The following RYR3 variants were observed in gnomAD, a reference collection of about 807,000 sequenced individuals.
The protein encoded by RYR3 is ryanodine receptor 3.
A neutral mutation model predicts 584.3 loss-of-function variants in RYR3; 207 were observed. The observed-to-expected ratio is 0.35, with a 90% CI of 0.32 to 0.40. The LOEUF (loss-of-function observed/expected upper bound fraction) is 0.40. Among genes scored for constraint, RYR3 ranks in the 10% least tolerant of loss-of-function variants. The probability of loss-of-function intolerance (pLI) is 1.00; values close to 1 mark genes in which losing one functional copy is unlikely to be tolerated. For missense variants in RYR3, 5,616 were observed against 6,089.2 expected, an observed-to-expected ratio of 0.92 and a Z score of 2.59; for synonymous variants, 2,416 against 2,248.5, an observed-to-expected ratio of 1.07 and a Z score of -2.11.
Position 33,390,690 on chromosome 15 carries a change from G to A in RYR3, c.51+79594G>A, listed in dbSNP as rs768137096. On this transcript the variant is annotated intron_variant, in intron 1 of 103. Coordinates refer to ENST00000634891, the MANE Select transcript of RYR3 (RefSeq NM_001036.6). This position sits in a 1 kb window ranked among gnomAD's most constrained non-coding sequence, Gnocchi z 4.2. ...AAGAAATCAGAGTGGTTCACTCTGC[G>A]TAGATTGTTTGCACAAACAATGTGA... Among the ~76,000 whole-genome samples, 35 of 152,132 alleles carry A rather than the reference G, an allele frequency of 2.3e-4. No homozygotes were observed. Among genetic ancestry groups the A allele is most frequent in the African/African-American group, 7.2e-4 (30 of 41,418 alleles).
At chr15:33,536,933 C>T (rs1027880141) in intron 5 of RYR3, among the ~76,000 whole-genome samples, 2 of 152,074 alleles carry the variant, frequency 1.3e-5, no homozygotes, top group Admixed American at 1.3e-4. Flanking sequence ...CTGTGGATGT[C>T]CTGATAAAAA....
At chr15:33,818,853 G>A (rs906960119) in intron 76 of RYR3, among the ~76,000 whole-genome samples, 169 bp downstream of exon 76, 11 of 152,342 alleles carry the variant, frequency 7.2e-5, no homozygotes, top group African/African-American at 2.4e-4. Context: ...GCCAGGCGTG[G>A]TGGCTCACGC....
intron 10 of RYR3, among the ~76,000 whole-genome samples, chr15:33,559,773 CCA>C (rs2057303594): frequency 6.6e-6 from 1 of 152,124 alleles, no homozygotes; most frequent in Admixed American, 6.5e-5. Flanking sequence ...CAGTCTCTCT[CCA>C]GCCAGAAAGG....
intron 1 of RYR3, among the ~76,000 whole-genome samples, chr15:33,371,338 G>T (rs182072242): frequency 1.3e-5 from 2 of 152,132 alleles, no homozygotes; most frequent in Non-Finnish European, 1.5e-5. Flanking sequence ...AAACCAATGC[G>T]GTTGCCATGG....
At chr15:33,737,186 C>G (rs1297964921) in intron 49 of RYR3, among the ~76,000 whole-genome samples, 1 of 152,074 alleles carries the variant, frequency 6.6e-6, no homozygotes, top group Non-Finnish European at 1.5e-5. Context: ...CTTGAGCTCC[C>G]GAGTTCAAGC....
At position 33,818,570 on chromosome 15, in the gene RYR3, T is replaced by C; in HGVS notation, c.10600-8T>C. ...ATGCCTAAAACCTATCTGTGTTGGT[T>C]TGTGTAGAAATCTCCAAAGGTGGAA... On this transcript the variant is annotated splice_polypyrimidine_tract_variant and splice_region_variant and intron_variant, in intron 75 of 103. Transcript: ENST00000634891. The C allele has an allele frequency of 6.2e-7, 1 of 1,605,134 alleles. No individual in the cohort carries two copies. Among genetic ancestry groups the C allele is most frequent in the Non-Finnish European group, 8.5e-7 (1 of 1,171,980 alleles).
chr15:33,376,122 G>A lies in RYR3; in HGVS notation c.51+65026G>A, dbSNP rs1407328333. On this transcript the variant is annotated intron_variant, in intron 1 of 103. Transcript: ENST00000634891. ...CCAAGTTTCTTCTTGTCCCTTTTCAGGCAACGTTCTTCTCCCCGCCCCAGA... is the reference window on the plus strand; with the variant it reads ...CCAAGTTTCTTCTTGTCCCTTTTCAAGCAACGTTCTTCTCCCCGCCCCAGA... Among the ~76,000 whole-genome samples, 72 of 152,076 alleles carry A rather than the reference G, an allele frequency of 4.7e-4. 1 individual carries two copies. The highest frequency in any genetic ancestry group is 4.7e-3 in the Admixed American group (72 of 15,252).
At chr15:33,789,936 C>CAAACTGTT (rs2075043523) in intron 67 of RYR3, among the ~76,000 whole-genome samples, 1 of 144,570 alleles carries the variant, frequency 6.9e-6, no homozygotes, top group African/African-American at 2.6e-5. Context: ...TCGGCTTCCC[C>CAAACTGTT]AAACTGTTGG....
chr15:33,685,191 C>T (rs183937134), intron 38 of RYR3, among the ~76,000 whole-genome samples: 8 of 152,286 alleles, frequency 5.3e-5, no homozygotes, highest in South Asian at 2.1e-4. Flanking sequence ...GTGCTGTATT[C>T]GGGAGACCCA....
chr15:33,502,238 A>AG (rs1449447863), intron 2 of RYR3, among the ~76,000 whole-genome samples: 1 of 152,118 alleles, frequency 6.6e-6, no homozygotes, highest in Non-Finnish European at 1.5e-5. Flanking sequence ...TGCAGTTGGG[A>AG]GGGGAGGAAG....
At chr15:33,750,333 C>G in intron 57 of RYR3, 47 bp downstream of exon 57, 1 of 1,585,492 alleles carries the variant, frequency 6.3e-7, no homozygotes, top group Non-Finnish European at 8.6e-7. Flanking sequence ...CTGTGCCTCC[C>G]TAGATATTTA....
At chr15:33,447,736 A>G (rs912042395) in intron 1 of RYR3, among the ~76,000 whole-genome samples, 5 of 152,240 alleles carry the variant, frequency 3.3e-5, no homozygotes, top group Admixed American at 1.3e-4. Context: ...CAATAGCCAC[A>G]CATGACTAGT....
At chr15:33,827,115 T>G (rs764124603) in intron 84 of RYR3, 84 bp from the exon 85 acceptor site, 2 of 1,115,840 alleles carry the variant, frequency 1.8e-6, no homozygotes, top group Non-Finnish European at 1.3e-6. Flanking sequence ...ACATAGAATG[T>G]CTTATCTGAG....
chr15:33,638,693 A>G (rs2061633230), intron 27 of RYR3, among the ~76,000 whole-genome samples: 2 of 152,248 alleles, frequency 1.3e-5, no homozygotes, highest in South Asian at 2.1e-4. Context: ...AAATGTGAGT[A>G]GTAGCAGTAT....
At chr15:33,752,641 G>A (rs755910525) in intron 57 of RYR3, among the ~76,000 whole-genome samples, 4 of 152,212 alleles carry the variant, frequency 2.6e-5, no homozygotes, top group Non-Finnish European at 5.9e-5. Flanking sequence ...CTGAGTTGAT[G>A]AGGTTTTCTA....
chr15:33,789,087 G>A (rs868740124), intron 67 of RYR3, among the ~76,000 whole-genome samples: 2 of 152,108 alleles, frequency 1.3e-5, no homozygotes, highest in African/African-American at 2.4e-5. Context: ...AAGAGGAAAC[G>A]TCTGGTGCAG....
chr15:33,864,443 AGACAATATGAAATAAGAAATTGTCT>A (rs1287573925), intron 103 of RYR3, among the ~76,000 whole-genome samples: 2 of 152,178 alleles, frequency 1.3e-5, no homozygotes, highest in Non-Finnish European at 2.9e-5. Context: ...AACATTACAG[AGACAATATGAAATAAGAAATTGTCT>A]GACAATAAGA....
rs1260045519 is a variant in RYR3 at position 33,756,357 on chromosome 15, T to C, written c.8567T>C (p.Ile2856Thr). 1 of 1,576,578 alleles carries C rather than the reference T, an allele frequency of 6.3e-7. No homozygotes were observed. Among genetic ancestry groups the C allele is most frequent in the Non-Finnish European group, 8.6e-7 (1 of 1,160,026 alleles). The change falls in exon 59 of 104, where the codon ATC (isoleucine) becomes ACC (threonine). Residue 2856 changes from isoleucine (I) to threonine (T), a missense_variant. Transcript: ENST00000634891. ...GAAAAGTCTCCCCGTGACCAGGAGATCAAATTCTTTGCCAAAGTAAGTGGC... is the reference window on the plus strand; with the variant it reads ...GAAAAGTCTCCCCGTGACCAGGAGACCAAATTCTTTGCCAAAGTAAGTGGC... Reference protein sequence around the residue: ...KTEKSPRDQEIKFFAKVLLPL... With the variant: ...KTEKSPRDQETKFFAKVLLPL...
intron 1 of RYR3, among the ~76,000 whole-genome samples, chr15:33,344,254 C>A (rs1326096973): frequency 6.6e-6 from 1 of 152,198 alleles, no homozygotes; most frequent in Non-Finnish European, 1.5e-5. Context: ...AAAGAGCTTG[C>A]ACCTTGTACT....
Sources: allele counts gnomAD v4.1 joint callset (sites outside exome capture counted in the v4.1 genomes callset), GRCh38; gene constraint gnomAD v4.1.1; non-coding constraint Gnocchi (gnomAD v3.1); transcripts MANE v1.5; gene names NCBI Gene and HGNC (gene_info 2026-07-23, HGNC 2026-07-21).